The following CCDC57 variants were observed in gnomAD, a reference collection of about 807,000 sequenced individuals.
The protein encoded by CCDC57 is coiled-coil domain-containing protein 57.
CCDC57 carries 118 observed loss-of-function variants against 118.9 expected under a neutral mutation model. The observed-to-expected ratio is 0.99, with a 90% CI of 0.86 to 1.16. The LOEUF (loss-of-function observed/expected upper bound fraction) is 1.16. CCDC57 is among the 50% of genes most tolerant of loss of function. CCDC57 has a pLI of 0.00. For synonymous variants in CCDC57, 527 were observed against 532.9 expected, an observed-to-expected ratio of 0.99 and a Z score of 0.15; for missense variants, 1,300 against 1,320.7, an observed-to-expected ratio of 0.98 and a Z score of 0.24.
chr17:82,202,664 C>G (rs556432527), intron 2 of CCDC57, among the ~76,000 whole-genome samples: 5 of 152,226 alleles, frequency 3.3e-5, no homozygotes, highest in Admixed American at 1.3e-4. Flanking sequence ...GCAGGAGGAT[C>G]ACTTGAACCC....
exon 2 of CCDC57, chr17:82,207,888 G>A (rs2049859827): frequency 6.6e-6 from 1 of 152,134 alleles, no homozygotes; most frequent in South Asian, 2.1e-4. Flanking sequence ...TGTTGGAACT[G>A]AACCGAAGGA....
In CCDC57 at chr17:82,134,092, T is replaced by C. The variant is rs1039908332; in HGVS notation, c.2558A>G (p.Gln853Arg). ...TGTTACCTGAGATGTAAAATGGGGC[T>C]GCACCTGTCCCAAAGGTGGGCTGCG... The change falls in exon 17 of 20, where the codon CAG (glutamine) becomes CGG (arginine). Residue 853 changes from glutamine to arginine, a missense_variant. By Grantham distance (43) the Gln-to-Arg change is conservative. Transcript: ENST00000665763. The C allele has an allele frequency of 7.8e-6, 11 of 1,417,390 alleles. 1 individual carries two copies. In the Admixed American group the frequency reaches 3.3e-4, roughly 43 times the overall value. 87.8% of individuals were successfully genotyped at this position (1,417,390 alleles called of 1,614,324 possible).
chr17:82,180,180 C>T (rs6416861), intron 9 of CCDC57, among the ~76,000 whole-genome samples: 109,146 of 152,156 alleles, frequency 0.72, 39,667 homozygotes, highest in East Asian at 0.95. Flanking sequence ...GAGGACGCCG[C>T]TAGGGTGCAG....
chr17:82,159,146 C>T (rs939479470), intron 14 of CCDC57, among the ~76,000 whole-genome samples: 1 of 152,006 alleles, frequency 6.6e-6, no homozygotes, highest in Non-Finnish European at 1.5e-5. Flanking sequence ...GGATTACAGG[C>T]ATGCACCACC....
At chr17:82,165,892 G>T (rs1425300581) in intron 13 of CCDC57, among the ~76,000 whole-genome samples, 1 of 152,182 alleles carries the variant, frequency 6.6e-6, no homozygotes, top group Non-Finnish European at 1.5e-5. Flanking sequence ...GCCAGGATGC[G>T]CAGTGTGAAC....
intron 18 of CCDC57, 62 bp downstream of exon 17, chr17:82,128,431 C>T: frequency 3.3e-6 from 4 of 1,223,554 alleles, no homozygotes; most frequent in Non-Finnish European, 4.6e-6. Context: ...GCACCCAGGC[C>T]CCGGCTTCCC....
At chr17:82,193,608 G>T in intron 7 of CCDC57, 148 bp downstream of exon 6, 1 of 642,982 alleles carries the variant, frequency 1.6e-6, no homozygotes, top group Non-Finnish European at 2.7e-6. Flanking sequence ...AGAAAAAGAA[G>T]GAGAAAGAAA....
At chr17:82,183,808 C>A in exon 9 of CCDC57, 1 of 1,589,340 alleles carries the variant, frequency 6.3e-7, no homozygotes, top group African/African-American at 1.3e-5. Flanking sequence ...GCCACCTGTG[C>A]CTTGAGCTTC....
intron 13 of CCDC57, among the ~76,000 whole-genome samples, chr17:82,164,442 C>T (rs1050727041): frequency 1.3e-5 from 2 of 151,774 alleles, no homozygotes; most frequent in African/African-American, 2.4e-5. Flanking sequence ...GAAAAGATAA[C>T]GTTAGTATTA....
At chr17:82,147,524 G>C (rs2040925421) in intron 16 of CCDC57, among the ~76,000 whole-genome samples, 1 of 151,228 alleles carries the variant, frequency 6.6e-6, no homozygotes, top group Admixed American at 6.6e-5. Context: ...TAGATGGGTG[G>C]GTGGACGGAT....
At chr17:82,117,212 GCATGGTGGCGCACGC>G (rs548575386) in intron 19 of CCDC57, among the ~76,000 whole-genome samples, 1 of 151,586 alleles carries the variant, frequency 6.6e-6, no homozygotes, top group South Asian at 2.1e-4. Flanking sequence ...AATTAGCGAG[GCATGGTGGCGCACGC>G]CATAACCCCA....
At chr17:82,142,887 C>T (rs766762403) in intron 16 of CCDC57, among the ~76,000 whole-genome samples, 10 of 152,034 alleles carry the variant, frequency 6.6e-5, no homozygotes, top group East Asian at 1.9e-4. Context: ...CCACACTGGC[C>T]GGGTACGTGG....
At chr17:82,152,032 C>T in intron 15 of CCDC57, 3 of 503,236 alleles carry the variant, frequency 6.0e-6, no homozygotes, top group South Asian at 4.6e-5. Context: ...CAGGCCCTCA[C>T]AGCCCTCCGC....
intron 16 of CCDC57, among the ~76,000 whole-genome samples, chr17:82,136,037 C>G (rs1207206467): frequency 6.6e-6 from 1 of 152,186 alleles, no homozygotes; most frequent in East Asian, 1.9e-4. Context: ...TCGTGCGCAG[C>G]TGGTGGGCAT....
At chr17:82,113,786 A>C in intron 19 of CCDC57, 5 of 641,252 alleles carry the variant, frequency 7.8e-6, no homozygotes, top group Non-Finnish European at 8.4e-6. Context: ...ATAAAATAAC[A>C]TGTAAAAAGA....
chr17:82,133,038 G>A (rs943891400), intron 17 of CCDC57, among the ~76,000 whole-genome samples: 45 of 152,000 alleles, frequency 3.0e-4, no homozygotes, highest in Non-Finnish European at 2.9e-5. Context: ...GATTATAGGC[G>A]TGAGCCACCG....
chr17:82,193,406 G>C (rs1291013215), intron 7 of CCDC57, among the ~76,000 whole-genome samples: 2 of 152,084 alleles, frequency 1.3e-5, no homozygotes, highest in African/African-American at 2.4e-5. Context: ...AATTAGCCAG[G>C]CATGGTTGTG....
At chr17:82,171,248 C>T (rs556253544) in intron 13 of CCDC57, among the ~76,000 whole-genome samples, 14 of 142,438 alleles carry the variant, frequency 9.8e-5, no homozygotes, top group South Asian at 2.3e-4. Flanking sequence ...GGAGGGAGCG[C>T]GAGGAATTCC....
At chr17:82,142,715 G>T (rs2040181636) in intron 16 of CCDC57, among the ~76,000 whole-genome samples, 2 of 150,808 alleles carry the variant, frequency 1.3e-5, no homozygotes, top group African/African-American at 4.8e-5. Flanking sequence ...AGTTCAAATT[G>T]AGGAGCATAA....
Sources: allele counts gnomAD v4.1 joint callset (sites outside exome capture counted in the v4.1 genomes callset), GRCh38; gene constraint gnomAD v4.1.1; transcripts MANE v1.5; gene names NCBI Gene and HGNC (gene_info 2026-07-23, HGNC 2026-07-21).